Variants in PHF24 observed in about 807,000 individuals in gnomAD.
PHF24 encodes PHD finger protein 24.
PHF24 carries 25 observed loss-of-function variants against 42.6 expected under a neutral mutation model. The ratio of observed to expected loss-of-function variants is 0.59; its 90% CI spans 0.43 to 0.82. The LOEUF (loss-of-function observed/expected upper bound fraction) is 0.82, where lower values mean the gene tolerates loss of function less well. Among genes scored for constraint, PHF24 ranks in the 40% least tolerant of loss-of-function variants. The pLI, the probability that PHF24 is intolerant of heterozygous loss-of-function variation, is 0.00. For synonymous variants in PHF24, 185 were observed against 204.8 expected, an observed-to-expected ratio of 0.90 and a Z score of 0.83; for missense variants, 470 against 538.1, an observed-to-expected ratio of 0.87 and a Z score of 1.25.
chr9:34,791,976 G>A, the PHF24 span, among the ~76,000 whole-genome samples: 1 of 152,204 alleles, frequency 6.6e-6, no homozygotes, highest in Non-Finnish European at 1.5e-5. Flanking sequence ...AAGAGGGACT[G>A]TAGAATAAAG....
At chr9:34,820,561 G>T in the PHF24 span, among the ~76,000 whole-genome samples, 2 of 152,110 alleles carry the variant, frequency 1.3e-5, no homozygotes, top group Non-Finnish European at 2.9e-5. Flanking sequence ...CAAAGGACAT[G>T]ATCTTATTCT....
the PHF24 span, among the ~76,000 whole-genome samples, chr9:34,870,973 C>G: frequency 2.0e-5 from 3 of 152,186 alleles, 1 homozygote; most frequent in Non-Finnish European, 4.4e-5. Flanking sequence ...CAAAGAAGCT[C>G]ACTTGCTGGA....
At chr9:34,739,557 G>A in the PHF24 span, among the ~76,000 whole-genome samples, 1 of 152,106 alleles carries the variant, frequency 6.6e-6, no homozygotes, top group African/African-American at 2.4e-5. Flanking sequence ...CAGCTCTTAA[G>A]GTGGCGCGTC....
At chr9:34,723,614 G>C in the PHF24 span, 1 of 1,551,738 alleles carries the variant, frequency 6.4e-7, no homozygotes, top group South Asian at 1.2e-5. Context: ...TCTGAAGCTA[G>C]ACTCTGTAAG....
rs58035729 is a variant in PHF24, at chr9:34,974,270, C to T, written c.564+1739C>T. On this transcript the variant is annotated intron_variant, in intron 3 of 7. Coordinates refer to ENST00000242315, the Ensembl canonical transcript of PHF24. ...CATCCATCATTCTGCAGAACTGTTGCTTCCTAAGGTCACCAGTCACCTCCT... is the reference window on the plus strand; with the variant it reads ...CATCCATCATTCTGCAGAACTGTTGTTTCCTAAGGTCACCAGTCACCTCCT... Among the ~76,000 whole-genome samples, 331 of 152,342 alleles carry T rather than the reference C, an allele frequency of 2.2e-3. 2 individuals are homozygous for T. Among genetic ancestry groups the T allele is most frequent in the African/African-American group, 7.6e-3 (318 of 41,576 alleles).
the PHF24 span, among the ~76,000 whole-genome samples, chr9:34,757,625 G>C: frequency 1.3e-5 from 2 of 151,946 alleles, no homozygotes; most frequent in African/African-American, 4.8e-5. Flanking sequence ...ATGGGTCTTG[G>C]GGTGTTGGTT....
At chr9:34,848,322 G>C in the PHF24 span, among the ~76,000 whole-genome samples, 3 of 151,816 alleles carry the variant, frequency 2.0e-5, no homozygotes, top group East Asian at 5.8e-4. Flanking sequence ...TCCTGGTTTA[G>C]TCTTGGGAGG....
the PHF24 span, among the ~76,000 whole-genome samples, chr9:34,891,929 A>G: frequency 6.6e-6 from 1 of 152,170 alleles, no homozygotes; most frequent in Non-Finnish European, 1.5e-5. Flanking sequence ...GGATTTGTCA[A>G]TGGTCAGATG....
At chr9:34,922,709 AC>A in the PHF24 span, 1 of 1,535,236 alleles carries the variant, frequency 6.5e-7, no homozygotes, top group Non-Finnish European at 8.9e-7. Context: ...TTTTCTCAGC[AC>A]CTTCTGTCTT....
the PHF24 span, chr9:34,836,935 A>G: frequency 1.2e-5 from 4 of 332,700 alleles, no homozygotes; most frequent in Admixed American, 1.2e-4. Flanking sequence ...CCTCTCAACT[A>G]GTGAACCAGC....
the PHF24 span, among the ~76,000 whole-genome samples, chr9:34,775,618 C>T: frequency 6.6e-6 from 1 of 152,142 alleles, no homozygotes; most frequent in Non-Finnish European, 1.5e-5. Context: ...ACTATCTTCT[C>T]ATTTTTTCAG....
chr9:34,805,659 C>A, the PHF24 span, among the ~76,000 whole-genome samples: 1 of 152,122 alleles, frequency 6.6e-6, no homozygotes, highest in Non-Finnish European at 1.5e-5. Context: ...TTTTGAGTTG[C>A]CTTTTCACTC....
At chr9:34,808,289 A>G in the PHF24 span, among the ~76,000 whole-genome samples, 2 of 151,970 alleles carry the variant, frequency 1.3e-5, no homozygotes, top group East Asian at 3.9e-4. Flanking sequence ...TTTAGCATCT[A>G]CCATTTTGTG....
At chr9:34,817,672 C>T in the PHF24 span, among the ~76,000 whole-genome samples, 2 of 152,128 alleles carry the variant, frequency 1.3e-5, no homozygotes, top group African/African-American at 4.8e-5. Flanking sequence ...CTTTCATTCT[C>T]TCAACCATGT....
chr9:34,768,796 G>A, the PHF24 span, among the ~76,000 whole-genome samples: 1 of 151,960 alleles, frequency 6.6e-6, no homozygotes, highest in Non-Finnish European at 1.5e-5. Flanking sequence ...TTAAAAAATG[G>A]TAAAATGAAA....
chr9:34,678,627 CTCTT>C, the PHF24 span, among the ~76,000 whole-genome samples: 99 of 151,786 alleles, frequency 6.5e-4, no homozygotes, highest in African/African-American at 2.3e-3. Context: ...CCATGCCTGG[CTCTT>C]TCTTTTTCTT....
At chr9:34,869,939 G>T in the PHF24 span, among the ~76,000 whole-genome samples, 2 of 152,094 alleles carry the variant, frequency 1.3e-5, no homozygotes, top group African/African-American at 4.8e-5. Context: ...GGCATAATTT[G>T]TGGCACCTTT....
chr9:34,879,634 C>A, the PHF24 span, among the ~76,000 whole-genome samples: 246 of 151,928 alleles, frequency 1.6e-3, 1 homozygote, highest in African/African-American at 5.8e-3. Context: ...TGAAATGAAG[C>A]GAGAAGAGAA....
the PHF24 span, chr9:34,709,619 C>T: frequency 1.9e-6 from 3 of 1,614,168 alleles, no homozygotes; most frequent in Non-Finnish European, 2.5e-6. Context: ...GCATCAGCTG[C>T]TGCACCCAGA....
Sources: gnomAD v4.1 joint callset for allele counts (sites outside exome capture counted in the v4.1 genomes callset) on GRCh38, gnomAD v4.1.1 for gene constraint, MANE v1.5 for transcripts, NCBI Gene and HGNC (gene_info 2026-07-23, HGNC 2026-07-21) for gene names.